DNM3: variants seen among roughly 807,000 people sequenced by gnomAD.
DNM3 encodes dynamin 3, also known as dynamin-3.
In DNM3, 47 loss-of-function variants were observed where a neutral mutation model predicts 101.6. That is an observed-to-expected ratio of 0.46 (90% confidence interval 0.37 to 0.59). The LOEUF (loss-of-function observed/expected upper bound fraction) is 0.59. Among genes scored for constraint, DNM3 ranks in the 20% least tolerant of loss-of-function variants. The pLI, the probability that DNM3 is intolerant of heterozygous loss-of-function variation, is 0.00. For missense variants in DNM3, 849 were observed against 1,085.7 expected (o/e 0.78, Z 3.06); for synonymous variants, 385 against 387.9 (o/e 0.99, Z 0.09).
chr1:172,268,191 A>C (rs1381617784), intron 15 of DNM3, among the ~76,000 whole-genome samples: 1 of 150,956 alleles, frequency 6.6e-6, no homozygotes, highest in African/African-American at 2.4e-5. Context: ...GGTAATGTTT[A>C]TTTGTCATTA....
intron 14 of DNM3, among the ~76,000 whole-genome samples, chr1:172,135,982 T>C (rs1489987308): frequency 6.6e-6 from 1 of 152,126 alleles, no homozygotes; most frequent in Non-Finnish European, 1.5e-5. Context: ...TTTATTCTAT[T>C]TCTATAGCCC....
chr1:172,031,131 A>G (rs781122382), intron 4 of DNM3, among the ~76,000 whole-genome samples: 3 of 152,228 alleles, frequency 2.0e-5, no homozygotes, highest in Non-Finnish European at 4.4e-5. Context: ...TATTTATAGT[A>G]GCAAAGAATT....
At chr1:171,866,838 C>T (rs1193536165) in intron 1 of DNM3, among the ~76,000 whole-genome samples, 1 of 152,070 alleles carries the variant, frequency 6.6e-6, no homozygotes, top group Non-Finnish European at 1.5e-5. Context: ...TTATAATTCT[C>T]ACATAGTAGG....
intron 14 of DNM3, among the ~76,000 whole-genome samples, chr1:172,231,568 C>A (rs538201587): frequency 6.6e-6 from 1 of 152,288 alleles, no homozygotes; most frequent in Non-Finnish European, 1.5e-5. Flanking sequence ...CAGCTCCTCA[C>A]CAGCAATGGA....
At chr1:172,414,472 T>C (rs566866924), downstream of DNM3, among the ~76,000 whole-genome samples, 25 of 152,368 alleles carry the variant, frequency 1.6e-4, no homozygotes, top group African/African-American at 4.6e-4. Context: ...GACTGCATTG[T>C]GAATCTCCAA....
intron 10 of DNM3, 89 bp from the exon 11 acceptor site, chr1:172,068,730 C>G: frequency 8.5e-7 from 1 of 1,175,424 alleles, no homozygotes; most frequent in African/African-American, 1.5e-5. Flanking sequence ...CAATGAATAT[C>G]TTCTGTAAAA....
intron 14 of DNM3, among the ~76,000 whole-genome samples, chr1:172,242,718 C>T (rs992577569): frequency 6.6e-6 from 1 of 152,200 alleles, no homozygotes; most frequent in Non-Finnish European, 1.5e-5. Context: ...ACTGGGATTA[C>T]AGGCATGAGC....
intron 14 of DNM3, among the ~76,000 whole-genome samples, chr1:172,225,351 G>T (rs186089377): frequency 9.5e-4 from 144 of 151,570 alleles, no homozygotes; most frequent in East Asian, 8.4e-3. Context: ...TGGCCAGGAT[G>T]GTCTCGATCT....
intron 2 of DNM3, among the ~76,000 whole-genome samples, chr1:171,937,943 A>C (rs2041555425): frequency 6.6e-6 from 1 of 151,978 alleles, no homozygotes; most frequent in Non-Finnish European, 1.5e-5. Context: ...TTTGAATCAC[A>C]TTTTGAGAAA....
chr1:171,916,482 C>A (rs757930875), intron 1 of DNM3, among the ~76,000 whole-genome samples: 15 of 152,164 alleles, frequency 9.9e-5, no homozygotes, highest in Non-Finnish European at 1.8e-4. Flanking sequence ...CATATCACTA[C>A]ATCAGAAGGA....
At chr1:172,382,447 G>A (rs1414007992) in intron 18 of DNM3, among the ~76,000 whole-genome samples, 4 of 152,126 alleles carry the variant, frequency 2.6e-5, no homozygotes, top group Non-Finnish European at 5.9e-5. Flanking sequence ...CCAACCACAT[G>A]TTGGATACCC....
Position 172,130,332 on chromosome 1 carries a change from T to G in DNM3, c.1546-843T>G, listed in dbSNP as rs144906898. Reference sequence around the variant, plus strand: ...AAATTATCTTGTATAGAGGACATGGTAAATGATGCCCTCTGGATAACAGAA... The same window carrying G: ...AAATTATCTTGTATAGAGGACATGGGAAATGATGCCCTCTGGATAACAGAA... On this transcript the variant is annotated intron_variant, in intron 13 of 20. Coordinates refer to ENST00000627582, the MANE Select transcript of DNM3 (RefSeq NM_015569.5). 3.5e-3 allele frequency among the ~76,000 whole-genome samples: 538 copies of G among 152,256 alleles called. 7 individuals are homozygous for G. The highest frequency in any genetic ancestry group is 0.012 in the African/African-American group (514 of 41,550).
chr1:172,198,157 G>T (rs1053016559), intron 14 of DNM3, among the ~76,000 whole-genome samples: 1 of 152,118 alleles, frequency 6.6e-6, no homozygotes, highest in Non-Finnish European at 1.5e-5. Flanking sequence ...TTCATCTGTT[G>T]AGGTAATCAT....
chr1:171,895,102 G>A (rs961333222), intron 1 of DNM3, among the ~76,000 whole-genome samples: 1 of 152,312 alleles, frequency 6.6e-6, no homozygotes, highest in African/African-American at 2.4e-5. Context: ...AAATATACGT[G>A]TGCATGTGTC....
intron 13 of DNM3, among the ~76,000 whole-genome samples, chr1:172,130,402 T>C (rs2056871574): frequency 1.3e-5 from 2 of 152,124 alleles, no homozygotes; most frequent in Admixed American, 6.6e-5. Flanking sequence ...CTCACATTTT[T>C]CCTTAAATTA....
At chr1:172,154,058 G>A (rs553365942) in intron 14 of DNM3, among the ~76,000 whole-genome samples, 1 of 152,102 alleles carries the variant, frequency 6.6e-6, no homozygotes, top group East Asian at 1.9e-4. Context: ...TTCTTAAACT[G>A]TCGTTTCACT....
At chr1:172,292,920 G>A (rs1342583103) in intron 15 of DNM3, among the ~76,000 whole-genome samples, 2 of 152,178 alleles carry the variant, frequency 1.3e-5, no homozygotes, top group East Asian at 1.9e-4. Context: ...AAATAAAACA[G>A]CCATCCAGAT....
Position 172,359,178 on chromosome 1 carries a change from G to A in DNM3, c.1894-19840G>A, listed in dbSNP as rs118068626. 5.9e-4 allele frequency among the ~76,000 whole-genome samples: 83 copies of A among 141,380 alleles called. 2 individuals carry two copies. The East Asian group carries it at 0.016, about 27-fold the overall frequency. The allele number at this position is 141,380 out of a possible 152,430, so 92.8% of individuals were successfully genotyped here. A position where few individuals can be genotyped will look rare whatever the true frequency, so the allele number is the denominator to read the frequency against. On this transcript the variant is annotated intron_variant, in intron 17 of 20. Transcript: ENST00000627582. ...CACACACACATTTAATCAGCATCAA[G>A]TAGTGCAGTTTCCTTTCTAAGTGAT... is the stretch of plus-strand genomic sequence containing the variant.
chr1:171,969,027 G>A (rs965911918), intron 2 of DNM3, among the ~76,000 whole-genome samples: 6 of 152,186 alleles, frequency 3.9e-5, no homozygotes, highest in Non-Finnish European at 7.4e-5. Context: ...TATAATAACT[G>A]TTATCATTAT....
Sources: gnomAD v4.1 joint callset for allele counts (sites outside exome capture counted in the v4.1 genomes callset) on GRCh38, gnomAD v4.1.1 for gene constraint, MANE v1.5 for transcripts, NCBI Gene and HGNC (gene_info 2026-07-23, HGNC 2026-07-21) for gene names.